Variants in YIPF5 observed in about 807,000 individuals in gnomAD.
The protein encoded by YIPF5 is Yip1 domain family member 5.
A neutral mutation model predicts 30.4 loss-of-function variants in YIPF5; 8 were observed. That is an observed-to-expected ratio of 0.26 (90% CI 0.15 to 0.47). The LOEUF (loss-of-function observed/expected upper bound fraction) is 0.47, where lower values mean the gene tolerates loss of function less well. Among genes scored for constraint, YIPF5 ranks in the 20% least tolerant of loss-of-function variants. The probability of loss-of-function intolerance (pLI) is 0.99; values close to 1 mark genes in which losing one functional copy is unlikely to be tolerated. For synonymous variants in YIPF5, 104 were observed against 107.9 expected, an observed-to-expected ratio of 0.96 and a Z score of 0.23; for missense variants, 282 against 301.8, an observed-to-expected ratio of 0.93 and a Z score of 0.49.
chr5:144,162,358 T>G lies in YIPF5; in HGVS notation c.471A>C (p.Ala157=). ...IQFGYVYGIS[A]IGCLGMFCLL... is the part of the protein sequence containing the mutation. ...AACAAAACATTCCTAGACATCCAAT[T>G]GCACTGATCCCGTATACATAGCCAA... The change falls in exon 5 of 6, where the codon GCA becomes GCC. Residue 157 remains alanine (A), a synonymous_variant. Coordinates refer to ENST00000274496, the MANE Select transcript of YIPF5 (RefSeq NM_030799.9). 6.2e-7 allele frequency: 1 copy of G among 1,614,014 alleles called. No homozygotes were observed. Among genetic ancestry groups the G allele is most frequent in the Non-Finnish European group, 8.5e-7 (1 of 1,179,922 alleles).
At chr5:144,164,594 C>G (rs1459056425) in intron 3 of YIPF5, among the ~76,000 whole-genome samples, 1 of 149,482 alleles carries the variant, frequency 6.7e-6, no homozygotes, top group Non-Finnish European at 1.5e-5. Context: ...TTTGTAGAGA[C>G]AGGGTCTTGC....
chr5:144,162,947 A>T (rs1247571009), intron 4 of YIPF5, among the ~76,000 whole-genome samples: 1 of 152,216 alleles, frequency 6.6e-6, no homozygotes, highest in African/African-American at 2.4e-5. Flanking sequence ...TGTGAGGAAC[A>T]GAGAAGAAAT....
chr5:144,158,226 TAAGAG>T lies in YIPF5; in HGVS notation c.*2166_*2170del, dbSNP rs1221828131. The T allele has an allele frequency of 9.4e-6, 3 of 320,496 alleles. No individual in the cohort carries two copies. The highest frequency in any genetic ancestry group is 1.7e-5 in the Non-Finnish European group (3 of 172,530). The allele number at this position is 320,496 out of a possible 1,614,324, so 19.9% of individuals were successfully genotyped here. A position where few individuals can be genotyped will look rare whatever the true frequency, so the allele number is the denominator to read the frequency against. ...AATATGCCTACATAACAGAGTTTGA[TAAGAG>T]AAGTTTTGGCTATATACAACTCTGC... On this transcript the variant is annotated 3_prime_UTR_variant, in exon 6 of 6. Coordinates refer to ENST00000274496, the MANE Select transcript of YIPF5 (RefSeq NM_030799.9).
At position 144,170,549 on chromosome 5, in the gene YIPF5, G is replaced by C. The variant is rs1165972285; in HGVS notation, c.-25C>G. 6.5e-6 allele frequency: 1 copy of C among 153,384 alleles called. No homozygotes were observed. The highest frequency in any genetic ancestry group is 2.4e-5 in the African/African-American group (1 of 41,490). The allele number at this position is 153,384 out of a possible 1,614,324, so 9.5% of individuals were successfully genotyped here. On this transcript the variant is annotated 5_prime_UTR_variant, in exon 1 of 6. Coordinates refer to ENST00000274496, the MANE Select transcript of YIPF5 (RefSeq NM_030799.9). ...GGGTCACTCACCAAACTCTGAGGCT[G>C]CGCTGGCGGCAAAGGCAGTAGCTTC...
In YIPF5 at chr5:144,159,449, G is replaced by A. The variant is rs937960136; in HGVS notation, c.*948C>T. On this transcript the variant is annotated 3_prime_UTR_variant, in exon 6 of 6. Coordinates refer to ENST00000274496, the MANE Select transcript of YIPF5 (RefSeq NM_030799.9). Reference sequence around the variant, plus strand: ...TAATGCAACCATTCCAGGTCCCTAAGGTTGAGTTAACATTAATATGTAAGT... The same window carrying A: ...TAATGCAACCATTCCAGGTCCCTAAAGTTGAGTTAACATTAATATGTAAGT... 1.0e-6 allele frequency: 1 copy of A among 985,296 alleles called. No homozygotes were observed. The highest frequency in any genetic ancestry group is 1.2e-6 in the Non-Finnish European group (1 of 829,872). The allele number at this position is 985,296 out of a possible 1,614,324, so 61.0% of individuals were successfully genotyped here.
At chr5:144,170,054 C>T (rs1752326365) in intron 1 of YIPF5, 89 bp from the exon 2 acceptor site, 1 of 1,023,028 alleles carries the variant, frequency 9.8e-7, no homozygotes, top group Non-Finnish European at 1.5e-6. Context: ...AATAGAAACA[C>T]AACAAATATT....
At position 144,158,832 on chromosome 5, in the gene YIPF5, C is replaced by A; in HGVS notation, c.*1565G>T. 1 of 983,962 alleles carries A rather than the reference C, an allele frequency of 1.0e-6. No homozygotes were observed. The highest frequency in any genetic ancestry group is 1.2e-6 in the Non-Finnish European group (1 of 829,106). The allele number at this position is 983,962 out of a possible 1,614,324, so 61.0% of individuals were successfully genotyped here. A position where few individuals can be genotyped will look rare whatever the true frequency, so the allele number is the denominator to read the frequency against. On this transcript the variant is annotated 3_prime_UTR_variant, in exon 6 of 6. Coordinates refer to ENST00000274496, the MANE Select transcript of YIPF5 (RefSeq NM_030799.9). Reference sequence around the variant, plus strand: ...ATAAATATGTTATTTCTCTCAACCTCTTTTTATGCTTTGAAAACTTGTTCT... The same window carrying A: ...ATAAATATGTTATTTCTCTCAACCTATTTTTATGCTTTGAAAACTTGTTCT...
chr5:144,162,677 A>G (rs1361725340), intron 4 of YIPF5, among the ~76,000 whole-genome samples: 3 of 152,204 alleles, frequency 2.0e-5, no homozygotes, highest in Admixed American at 2.0e-4. Context: ...AGAATCACCC[A>G]AAATAGTAAG....
At position 144,159,750 on chromosome 5, in the gene YIPF5, G is replaced by A; in HGVS notation, c.*647C>T. 1 of 899,456 alleles carries A rather than the reference G, an allele frequency of 1.1e-6. No homozygotes were observed. Among genetic ancestry groups the A allele is most frequent in the Non-Finnish European group, 1.3e-6 (1 of 754,296 alleles). The allele number at this position is 899,456 out of a possible 1,614,324, so 55.7% of individuals were successfully genotyped here. A position where few individuals can be genotyped will look rare whatever the true frequency, so the allele number is the denominator to read the frequency against. On this transcript the variant is annotated 3_prime_UTR_variant, in exon 6 of 6. Coordinates refer to ENST00000274496, the MANE Select transcript of YIPF5 (RefSeq NM_030799.9). ...GACAGAGTCTCACCCTGTCACCCAG[G>A]CTGGATGGAGTGCAGTGGTGTGATC...
chr5:144,160,195 T>C lies in YIPF5; in HGVS notation c.*202A>G. 1 of 1,316,846 alleles carries C rather than the reference T, an allele frequency of 7.6e-7. No homozygotes were observed. Among genetic ancestry groups the C allele is most frequent in the East Asian group, 2.8e-5 (1 of 35,866 alleles). The allele number at this position is 1,316,846 out of a possible 1,614,324, so 81.6% of individuals were successfully genotyped here. A position where few individuals can be genotyped will look rare whatever the true frequency, so the allele number is the denominator to read the frequency against. ...CTGTATAAACACAAACATTTAAAGC[T>C]AGTCACACCGCAGGTAAATCCAATA... On this transcript the variant is annotated 3_prime_UTR_variant, in exon 6 of 6. Transcript: ENST00000274496.
intron 5 of YIPF5, 103 bp downstream of exon 5, chr5:144,162,115 T>A: frequency 7.9e-7 from 1 of 1,270,360 alleles, no homozygotes; most frequent in Non-Finnish European, 1.1e-6. Flanking sequence ...AGGCACTATC[T>A]GATATGTTTG....
chr5:144,164,356 A>G (rs1209743627), intron 3 of YIPF5, 100 bp from the exon 4 acceptor site: 1 of 1,038,696 alleles, frequency 9.6e-7, no homozygotes, highest in Non-Finnish European at 1.4e-6. Flanking sequence ...CATAGCATCA[A>G]AAAAGGATCT....
chr5:144,161,699 T>A (rs1752051434), intron 5 of YIPF5, among the ~76,000 whole-genome samples: 2 of 152,188 alleles, frequency 1.3e-5, no homozygotes, highest in African/African-American at 4.8e-5. Flanking sequence ...ACACCATATT[T>A]AAAGCTGCTT....
chr5:144,162,346 T>C lies in YIPF5; in HGVS notation c.483A>G (p.Leu161=). Residue 161 remains leucine, a synonymous_variant, in exon 5 of 6, where the codon CTA becomes CTG. Transcript: ENST00000274496. The part of the protein sequence containing the change: ...YVYGISAIGC[L]GMFCLLNLMS... ...TTAAGTTTAATAAACAAAACATTCC[T>C]AGACATCCAATTGCACTGATCCCGT... 1 of 1,614,056 alleles carries C rather than the reference T, an allele frequency of 6.2e-7. No individual in the cohort carries two copies. The highest frequency in any genetic ancestry group is 8.5e-7 in the Non-Finnish European group (1 of 1,179,962).
intron 4 of YIPF5, 138 bp downstream of exon 4, chr5:144,163,973 A>G: frequency 2.2e-6 from 2 of 922,762 alleles, no homozygotes; most frequent in Non-Finnish European, 3.1e-6. Flanking sequence ...AGGTATAAAT[A>G]CAAGCAACTC....
intron 5 of YIPF5, 36 bp downstream of exon 5, chr5:144,162,182 G>T (rs746887644): frequency 6.3e-7 from 1 of 1,595,262 alleles, no homozygotes; most frequent in South Asian, 1.1e-5. Context: ...ACATAGAATT[G>T]GTCAATCAAC....
Position 144,162,377 on chromosome 5 carries a change from T to C in YIPF5, c.452A>G (p.Tyr151Cys), listed in dbSNP as rs376204420. ...TCCAATTGCACTGATCCCGTATACA[T>C]AGCCAAACTGGATTTTGCCAGCCTA... Reference protein sequence around the residue: ...LLLAGKIQFGYVYGISAIGCL... With the variant: ...LLLAGKIQFGCVYGISAIGCL... Residue 151 changes from tyrosine to cysteine, a missense_variant, in exon 5 of 6, where the codon TAT becomes TGT. Transcript: ENST00000274496. The C allele has an allele frequency of 2.1e-4, 342 of 1,612,430 alleles. 2 individuals are homozygous for C. The South Asian group carries it at 3.6e-3, about 17-fold the overall frequency.
At chr5:144,169,396 A>G (rs886574649) in intron 2 of YIPF5, among the ~76,000 whole-genome samples, 1 of 152,240 alleles carries the variant, frequency 6.6e-6, no homozygotes, top group Non-Finnish European at 1.5e-5. Flanking sequence ...ATGATTCGTA[A>G]TAAGGAGCTT....
At chr5:144,161,836 A>G (rs1030177666) in intron 5 of YIPF5, among the ~76,000 whole-genome samples, 2 of 152,228 alleles carry the variant, frequency 1.3e-5, no homozygotes, top group Non-Finnish European at 2.9e-5. Flanking sequence ...TACATTTGGC[A>G]TATGTCCAAT....
Sources: gnomAD v4.1 joint callset for allele counts (sites outside exome capture counted in the v4.1 genomes callset) on GRCh38, gnomAD v4.1.1 for gene constraint, MANE v1.5 for transcripts, NCBI Gene and HGNC (gene_info 2026-07-23, HGNC 2026-07-21) for gene names.